UTY: variants seen among roughly 807,000 people sequenced by gnomAD.
The protein encoded by UTY is histone demethylase UTY.
In UTY, 12 loss-of-function variants were observed where a neutral mutation model predicts 32.5. That is an observed-to-expected ratio of 0.37 (90% CI 0.24 to 0.60). The LOEUF (loss-of-function observed/expected upper bound fraction) is 0.60. UTY is among the 20% of genes least tolerant of loss of function. The pLI is 0.69. For missense variants in UTY, 303 were observed against 299.2 expected, an observed-to-expected ratio of 1.01 and a Z score of -0.09; for synonymous variants, 131 against 103.4, an observed-to-expected ratio of 1.27 and a Z score of -1.62.
chrY:13,309,867 T>TA (rs2058925854), intron 21 of UTY, among the ~76,000 whole-genome samples: 1 of 32,947 alleles, frequency 3.0e-5, no homozygotes, highest in African/African-American at 1.2e-4. Context: ...AAGGACTGTC[T>TA]AAAATACTGG....
intron 6 of UTY, among the ~76,000 whole-genome samples, chrY:13,398,884 A>C: frequency 6.0e-5 from 2 of 33,362 alleles, no homozygotes; most frequent in South Asian, 1.3e-3. Context: ...CAAATGAAAA[A>C]GATTTTTTTC....
intron 27 of UTY, among the ~76,000 whole-genome samples, chrY:13,293,315 C>T (rs2057853410): frequency 3.0e-5 from 1 of 32,956 alleles, no homozygotes; most frequent in Non-Finnish European, 7.5e-5. Flanking sequence ...AAATAAATGG[C>T]ATTCAAAATT....
rs1281915045 is a variant in UTY, at chrY:13,336,026, T to C, written c.2371A>G (p.Lys791Glu). The C allele has an allele frequency of 2.5e-6, 1 of 399,140 alleles. No individual in the cohort carries two copies. Among genetic ancestry groups the C allele is most frequent in the East Asian group, 9.2e-5 (1 of 10,869 alleles). The stretch of plus-strand genomic sequence containing the variant: ...TGATGAACATGATTAGAAAGTCCCT[T>C]GACATCAGCACAGCCATTAGATGTG... Reference protein sequence around the residue: ...GDTSNGCADVKGLSNHVHQLI... With the variant: ...GDTSNGCADVEGLSNHVHQLI... Residue 791 changes from lysine to glutamate, a missense_variant, in exon 18 of 30, where the codon AAG (lysine) becomes GAG (glutamate). Transcript: ENST00000545955.
intron 27 of UTY, among the ~76,000 whole-genome samples, chrY:13,279,530 G>A (rs763636278): frequency 3.0e-5 from 1 of 33,528 alleles, no homozygotes; most frequent in South Asian, 6.6e-4. Context: ...TTACAAGCAT[G>A]AGCCACCATA....
chrY:13,336,102 C>T lies in UTY; in HGVS notation c.2295G>A (p.Lys765=), dbSNP rs1412747590. The change falls in exon 18 of 30, where the codon AAG becomes AAA. Residue 765 remains lysine, a synonymous_variant. Transcript: ENST00000545955. The part of the protein sequence containing the change: ...QQGIMFTKES[K]PSKNRSLVPE... ...GCACCAAGGATCTATTTTTTGAAGG[C>T]TTGCTCTCTTTGGTAAACATAATGC... is the stretch of plus-strand genomic sequence containing the variant. 2.5e-6 allele frequency: 1 copy of T among 398,700 alleles called. No individual in the cohort carries two copies. Among genetic ancestry groups the T allele is most frequent in the Admixed American group, 7.4e-5 (1 of 13,479 alleles).
chrY:13,270,372 T>C (rs2056229212), intron 27 of UTY, among the ~76,000 whole-genome samples: 1 of 33,238 alleles, frequency 3.0e-5, no homozygotes, highest in Non-Finnish European at 7.4e-5. Context: ...GGATTTAAGA[T>C]GCTAATGAGA....
chrY:13,358,326 T>G, intron 14 of UTY, 138 bp downstream of exon 14: 2 of 338,034 alleles, frequency 5.9e-6, no homozygotes, highest in South Asian at 9.0e-5. Context: ...ATATTTAATG[T>G]GATGCAAAGA....
intron 27 of UTY, among the ~76,000 whole-genome samples, chrY:13,275,057 T>C: frequency 3.3e-4 from 11 of 32,956 alleles, no homozygotes; most frequent in Non-Finnish European, 8.2e-4. Flanking sequence ...CATATTAATA[T>C]AGAAAGCCTA....
chrY:13,442,447 T>TA (rs2075290686), intron 4 of UTY, among the ~76,000 whole-genome samples: 1 of 32,527 alleles, frequency 3.1e-5, no homozygotes, highest in East Asian at 8.1e-4. Flanking sequence ...TTTAGGAAGA[T>TA]ACAGTCCACT....
At chrY:13,371,608 T>C (rs2064935274) in intron 8 of UTY, among the ~76,000 whole-genome samples, 1 of 33,745 alleles carries the variant, frequency 3.0e-5, no homozygotes, top group Admixed American at 2.7e-4. Context: ...CACTGGGAAC[T>C]AAGTCATCAC....
chrY:13,265,826 G>A (rs948800264), intron 27 of UTY, among the ~76,000 whole-genome samples: 1 of 32,848 alleles, frequency 3.0e-5, no homozygotes, highest in Non-Finnish European at 7.5e-5. Context: ...GTTTTCAAAG[G>A]GAATGCTTCC....
chrY:13,336,880 T>C, intron 17 of UTY, among the ~76,000 whole-genome samples: 1 of 33,110 alleles, frequency 3.0e-5, no homozygotes, highest in Non-Finnish European at 7.5e-5. Flanking sequence ...TAAACAGAAA[T>C]CTAAATTTCC....
At chrY:13,470,284 A>G (rs2078368127) in intron 2 of UTY, 55 bp from the exon 3 acceptor site, 1 of 246,638 alleles carries the variant, frequency 4.1e-6, no homozygotes, top group South Asian at 4.3e-5. Context: ...CTGGAAGAAT[A>G]CATACATCTG....
chrY:13,297,017 G>C, intron 27 of UTY, among the ~76,000 whole-genome samples: 3 of 33,897 alleles, frequency 8.9e-5, no homozygotes. Flanking sequence ...TTGGCAAAAA[G>C]TGGTATCCCA....
At chrY:13,270,856 T>C in intron 27 of UTY, among the ~76,000 whole-genome samples, 3 of 32,781 alleles carry the variant, frequency 9.2e-5, no homozygotes, top group Non-Finnish European at 1.5e-4. Context: ...GAAGTGGGGG[T>C]ATCCCTTGAG....
At chrY:13,332,744 G>A (rs2060778533) in intron 18 of UTY, among the ~76,000 whole-genome samples, 1 of 32,982 alleles carries the variant, frequency 3.0e-5, no homozygotes, top group Non-Finnish European at 7.5e-5. Context: ...GTGGCCAGGG[G>A]AATCAGGCAA....
intron 2 of UTY, among the ~76,000 whole-genome samples, chrY:13,472,377 C>T (rs2150332029): frequency 3.1e-5 from 1 of 31,768 alleles, no homozygotes; most frequent in East Asian, 8.0e-4. Context: ...CATCTTAACA[C>T]TAGACAGAAT....
At chrY:13,317,289 C>A in intron 21 of UTY, among the ~76,000 whole-genome samples, 2 of 33,607 alleles carry the variant, frequency 6.0e-5, no homozygotes, top group South Asian at 6.6e-4. Flanking sequence ...CAGGCATGAG[C>A]CAACACACCC....
intron 11 of UTY, 43 bp from the exon 12 acceptor site, chrY:13,360,029 C>A: frequency 2.9e-6 from 1 of 350,120 alleles, no homozygotes; most frequent in Non-Finnish European, 4.1e-6. Context: ...TGGTTACTTT[C>A]GTTCGTTTAT....
Sources: gnomAD v4.1 joint callset for allele counts (sites outside exome capture counted in the v4.1 genomes callset) on GRCh38, gnomAD v4.1.1 for gene constraint, MANE v1.5 for transcripts, NCBI Gene and HGNC (gene_info 2026-07-23, HGNC 2026-07-21) for gene names.